CD36: variants seen among roughly 807,000 people sequenced by gnomAD.
CD36 encodes platelet glycoprotein 4.
Under a neutral mutation model 55.2 loss-of-function variants are expected in CD36, and 119 were observed. The observed-to-expected ratio is 2.15, with a 90% confidence interval of 1.86 to 2.51. CD36 has a LOEUF of 2.51. CD36 is among the 30% of genes most tolerant of loss of function. CD36 has a pLI of 0.00. For missense variants in CD36, 819 were observed against 555.5 expected (o/e 1.47, Z -4.77); for synonymous variants, 186 against 193.6 (o/e 0.96, Z 0.33).
chr7:80,662,035 C>T (rs761525110), intron 5 of CD36, among the ~76,000 whole-genome samples: 6 of 152,124 alleles, frequency 3.9e-5, no homozygotes, highest in Non-Finnish European at 7.4e-5. Context: ...AGCAAAAACT[C>T]TTAAGGGGCA....
chr7:80,649,684 G>T (rs1430434376), intron 3 of CD36, among the ~76,000 whole-genome samples: 2 of 151,990 alleles, frequency 1.3e-5, no homozygotes, highest in Non-Finnish European at 2.9e-5. Flanking sequence ...AAAGGTCAGA[G>T]TTCAAATAGA....
Position 80,666,512 on chromosome 7 carries a change from C to T in CD36, c.748+23C>T, listed in dbSNP as rs758909152. 21 of 1,580,570 alleles carry T rather than the reference C, an allele frequency of 1.3e-5. 1 individual carries two copies. The highest frequency in any genetic ancestry group is 3.3e-4 in the Middle Eastern group (2 of 6,006). ...CAGGTAAGAATATTTGTTTTGTGGT[C>T]ATCACAGTTAATCCACCTCCCTTTC... On this transcript the variant is annotated intron_variant, in intron 8 of 14. Coordinates refer to ENST00000447544, the MANE Select transcript of CD36 (RefSeq NM_001001548.3).
intron 7 of CD36, 61 bp from the exon 8 acceptor site, chr7:80,666,382 T>C: frequency 9.3e-7 from 1 of 1,073,942 alleles, no homozygotes; most frequent in Non-Finnish European, 1.4e-6. Flanking sequence ...ATAGAAAAAG[T>C]AATGTAAGAA....
At chr7:80,666,136 AT>A in intron 7 of CD36, 6 of 330,692 alleles carry the variant, frequency 1.8e-5, no homozygotes, top group South Asian at 6.3e-5. Context: ...AAAAAAAAAA[AT>A]TTCCCCTAAG....
intron 1 of CD36, among the ~76,000 whole-genome samples, chr7:80,604,475 C>T (rs1792431927): frequency 7.0e-6 from 1 of 142,964 alleles, no homozygotes; most frequent in African/African-American, 2.6e-5. Flanking sequence ...TTTGTATCTT[C>T]TGACAAACCA....
chr7:80,657,690 G>A (rs1017315805), intron 4 of CD36, among the ~76,000 whole-genome samples: 1 of 152,152 alleles, frequency 6.6e-6, no homozygotes, highest in African/African-American at 2.4e-5. Flanking sequence ...GGGGGAGATT[G>A]AGGTGCCAAA....
Position 80,672,829 on chromosome 7 carries a change from A to T in CD36, c.1185A>T (p.Pro395=), listed in dbSNP as rs778931090. 6.2e-7 allele frequency: 1 copy of T among 1,609,852 alleles called. No homozygotes were observed. Among genetic ancestry groups the T allele is most frequent in the Non-Finnish European group, 8.5e-7 (1 of 1,177,098 alleles). The change falls in exon 12 of 15, where the codon CCA becomes CCT. Residue 395 remains proline, a synonymous_variant. Coordinates refer to ENST00000447544, the MANE Select transcript of CD36 (RefSeq NM_001001548.3). The stretch of plus-strand genomic sequence containing the variant: ...TGCAGGTCAACCTATTGGTCAAGCC[A>T]TCAGAAAAAATTCAGTGAGTCTCTT... ...KRLQVNLLVK[P]SEKIQVLKNL... is the part of the protein sequence containing the mutation.
chr7:80,672,533 G>T (rs1031713150), intron 11 of CD36, among the ~76,000 whole-genome samples: 6 of 151,450 alleles, frequency 4.0e-5, no homozygotes, highest in African/African-American at 1.2e-4. Context: ...ACCATTTCAA[G>T]TAACTCACAA....
chr7:80,605,287 G>A (rs1394036399), intron 1 of CD36, among the ~76,000 whole-genome samples: 1 of 152,100 alleles, frequency 6.6e-6, no homozygotes, highest in Non-Finnish European at 1.5e-5. Flanking sequence ...GCTATTAGAA[G>A]CAACATTGTG....
At position 80,677,152 on chromosome 7, in the gene CD36, G is replaced by T. The variant is rs1798189741; in HGVS notation, c.*769G>T. 1 of 152,050 alleles carries T rather than the reference G, an allele frequency of 6.6e-6. No homozygotes were observed. Among genetic ancestry groups the T allele is most frequent in the African/African-American group, 2.4e-5 (1 of 41,412 alleles). 9.4% of individuals were successfully genotyped at this position (152,050 alleles called of 1,614,324 possible). A position where few individuals can be genotyped will look rare whatever the true frequency, so the allele number is the denominator to read the frequency against. ...ATGCTTTCTAAATTTCTACCACTTTGTTCTAGGCTAATTTTTTAAGCTAAT... is the reference window on the plus strand; with the variant it reads ...ATGCTTTCTAAATTTCTACCACTTTTTTCTAGGCTAATTTTTTAAGCTAAT... On this transcript the variant is annotated 3_prime_UTR_variant, in exon 15 of 15. Coordinates refer to ENST00000447544, the MANE Select transcript of CD36 (RefSeq NM_001001548.3).
chr7:80,674,011 A>ACTGGGAC lies in CD36; in HGVS notation c.1284_1285insTGGGACC (p.Met429TrpfsTer127). 3.1e-6 allele frequency: 5 copies of ACTGGGAC among 1,612,258 alleles called. No individual in the cohort carries two copies. The highest frequency in any genetic ancestry group is 4.2e-6 in the Non-Finnish European group (5 of 1,178,730). On this transcript the variant is annotated frameshift_variant, in exon 14 of 15. Coordinates refer to ENST00000447544, the MANE Select transcript of CD36 (RefSeq NM_001001548.3). LOFTEE classifies it high-confidence loss of function. ...GGGACCATTGGTGATGAGAAGGCAA[A>ACTGGGAC]CATGTTCAGAAGTCAAGTAACTGGA... is the stretch of plus-strand genomic sequence containing the variant.
intron 4 of CD36, 58 bp from the exon 5 acceptor site, chr7:80,661,005 A>T (rs1320923342): frequency 8.2e-7 from 1 of 1,212,994 alleles, no homozygotes; most frequent in Non-Finnish European, 1.2e-6. Flanking sequence ...ATGACATTTG[A>T]GATCTAATGT....
chr7:80,663,789 G>GGAA (rs1212568190), intron 6 of CD36, among the ~76,000 whole-genome samples: 3 of 152,056 alleles, frequency 2.0e-5, no homozygotes, highest in Non-Finnish European at 2.9e-5. Flanking sequence ...CTACTGAATT[G>GGAA]GAAGTTGGAC....
chr7:80,665,398 T>A (rs1442186130), intron 7 of CD36, among the ~76,000 whole-genome samples: 1 of 85,446 alleles, frequency 1.2e-5, no homozygotes, highest in African/African-American at 2.8e-5. Context: ...TTTATTAATA[T>A]AAAGTAACCC....
intron 9 of CD36, chr7:80,670,613 C>T (rs1456489403): frequency 6.7e-6 from 2 of 296,298 alleles, no homozygotes; most frequent in African/African-American, 2.2e-5. Context: ...TATATGCATA[C>T]ACTCCAGTGA....
chr7:80,649,786 A>G (rs1223160211), intron 3 of CD36, among the ~76,000 whole-genome samples: 1 of 152,072 alleles, frequency 6.6e-6, no homozygotes, highest in Non-Finnish European at 1.5e-5. Flanking sequence ...CAGAAGAATT[A>G]TTACAGAATT....
chr7:80,662,582 T>C (rs1005760962), intron 5 of CD36: 159 of 238,952 alleles, frequency 6.7e-4, no homozygotes, highest in Admixed American at 2.1e-3. Flanking sequence ...ACCAGACTTA[T>C]GGCTTTTTTT....
At chr7:80,660,985 T>G in intron 4 of CD36, 78 bp from the exon 5 acceptor site, 3 of 1,075,376 alleles carry the variant, frequency 2.8e-6, no homozygotes, top group Non-Finnish European at 2.9e-6. Context: ...AAAAATCATT[T>G]GTTGAATGAA....
chr7:80,624,570 T>G (rs1793643445), intron 1 of CD36, among the ~76,000 whole-genome samples: 2 of 152,102 alleles, frequency 1.3e-5, no homozygotes, highest in African/African-American at 4.8e-5. Context: ...AGTGGAGGAA[T>G]ATCTTAATAG....
Sources: allele counts gnomAD v4.1 joint callset (sites outside exome capture counted in the v4.1 genomes callset), GRCh38; gene constraint gnomAD v4.1.1; transcripts MANE v1.5; gene names NCBI Gene and HGNC (gene_info 2026-07-23, HGNC 2026-07-21).